The following TLE3 variants were observed in gnomAD, a reference collection of about 807,000 sequenced individuals.
TLE3 encodes TLE family member 3, transcriptional corepressor.
A neutral mutation model predicts 93.0 loss-of-function variants in TLE3; 14 were observed. That is an observed-to-expected ratio of 0.15 (90% CI 0.10 to 0.24). The LOEUF (loss-of-function observed/expected upper bound fraction) is 0.24. Among genes scored for constraint, TLE3 ranks in the 10% least tolerant of loss-of-function variants. TLE3 has a pLI of 1.00. For missense variants in TLE3, 693 were observed against 1,046.6 expected, an observed-to-expected ratio of 0.66 and a Z score of 4.66; for synonymous variants, 451 against 425.0, an observed-to-expected ratio of 1.06 and a Z score of -0.75.
At chr15:70,093,448 T>C (rs1416850276) in intron 4 of TLE3, among the ~76,000 whole-genome samples, 1 of 152,238 alleles carries the variant, frequency 6.6e-6, no homozygotes, top group Non-Finnish European at 1.5e-5. Flanking sequence ...TGAAACCTTG[T>C]AAACGACTGT....
chr15:70,094,733 T>G (rs2058467716), intron 3 of TLE3, 157 bp from the exon 4 acceptor site: 1 of 616,096 alleles, frequency 1.6e-6, no homozygotes, highest in Non-Finnish European at 2.9e-6. Flanking sequence ...TACAGAGCGG[T>G]TTAAGAGCTG....
Position 70,056,283 on chromosome 15 carries a change from A to T in TLE3, c.1328+15T>A, listed in dbSNP as rs1215616460. ...CCACCCTACAAAGCATGCAGTAAGT[A>T]TAGCCAAAGCTTACGGTTTTCCTCC... is the stretch of plus-strand genomic sequence containing the variant. On this transcript the variant is annotated intron_variant, in intron 14 of 19. Coordinates refer to ENST00000451782, the MANE Select transcript of TLE3 (RefSeq NM_001105192.3). The T allele has an allele frequency of 2.5e-6, 4 of 1,613,302 alleles. No individual in the cohort carries two copies. The Admixed American group carries it at 6.7e-5, about 27-fold the overall frequency.
At chr15:70,077,111 C>G (rs1481121512) in intron 4 of TLE3, among the ~76,000 whole-genome samples, 1 of 152,318 alleles carries the variant, frequency 6.6e-6, no homozygotes, top group Middle Eastern at 3.4e-3. Flanking sequence ...AGAAGTCAAT[C>G]TTAGAAAGGT....
chr15:70,074,126 A>G (rs2057321085), intron 6 of TLE3, among the ~76,000 whole-genome samples: 1 of 152,262 alleles, frequency 6.6e-6, no homozygotes, highest in Non-Finnish European at 1.5e-5. Flanking sequence ...CCAGGTGGCC[A>G]AAGAAGGGCA....
At chr15:70,059,292 G>C in intron 10 of TLE3, 118 bp downstream of exon 10, 1 of 1,235,716 alleles carries the variant, frequency 8.1e-7, no homozygotes, top group Non-Finnish European at 1.1e-6. Context: ...TGGAGGCCTT[G>C]TCTCCCTGCT....
intron 7 of TLE3, 140 bp downstream of exon 7, chr15:70,065,874 G>T: frequency 2.2e-6 from 2 of 905,212 alleles, no homozygotes; most frequent in Non-Finnish European, 1.7e-6. Flanking sequence ...CCCTGCACCA[G>T]GTATCAACAG....
chr15:70,057,315 G>A, intron 13 of TLE3, 144 bp downstream of exon 13: 1 of 993,456 alleles, frequency 1.0e-6, no homozygotes, highest in Non-Finnish European at 1.5e-6. Context: ...AGTCTCAATT[G>A]TTTCCGATAC....
intron 7 of TLE3, 41 bp downstream of exon 7, chr15:70,065,973 A>ACCCCAGCCCCCCCCCAC: frequency 2.5e-5 from 20 of 806,230 alleles, no homozygotes; most frequent in East Asian, 5.4e-5. Flanking sequence ...GCCCATGCCC[A>ACCCCAGCCCCCCCCCAC]CCCCTGCCCC....
intron 7 of TLE3, 30 bp downstream of exon 7, chr15:70,065,984 G>A (rs371708998): frequency 4.8e-4 from 372 of 769,358 alleles, no homozygotes; most frequent in African/African-American, 3.5e-3. Flanking sequence ...CCCCTGCCCC[G>A]CCCCACCCTC....
Position 70,051,604 on chromosome 15 carries a change from A to T in TLE3, c.2126-137T>A. On this transcript the variant is annotated intron_variant, in intron 18 of 19. Coordinates refer to ENST00000451782, the MANE Select transcript of TLE3 (RefSeq NM_001105192.3). ...GTATAACTCTCCAATTTCGAGAGGC[A>T]TTTTGCAAATGGGACATGCGGACAC... 3 of 327,152 alleles carry T rather than the reference A, an allele frequency of 9.2e-6. No individual in the cohort carries two copies. The South Asian group carries it at 1.1e-4, about 12-fold the overall frequency. The allele number at this position is 327,152 out of a possible 1,614,324, so 20.3% of individuals were successfully genotyped here.
intron 14 of TLE3, 108 bp downstream of exon 14, chr15:70,056,190 C>G (rs1303300362): frequency 8.0e-7 from 1 of 1,256,616 alleles, no homozygotes; most frequent in African/African-American, 1.5e-5. Flanking sequence ...GGGAGGTGCA[C>G]CAGGGCAAAC....
At position 70,096,300 on chromosome 15, in the gene TLE3, G is replaced by A. The variant is rs368547587; in HGVS notation, c.25-39C>T. 9.3e-4 allele frequency: 1,441 copies of A among 1,549,178 alleles called. 3 individuals are homozygous for A. The highest frequency in any genetic ancestry group is 2.6e-3 in the Middle Eastern group (15 of 5,702). ...AGACAAGACAGGGGAGGGGGCGGGG[G>A]CATGAGACCGCGCTCAGAGCGGCCC... On this transcript the variant is annotated intron_variant, in intron 1 of 19. Transcript: ENST00000451782.
At chr15:70,079,649 T>C (rs2057659979) in intron 4 of TLE3, among the ~76,000 whole-genome samples, 1 of 151,782 alleles carries the variant, frequency 6.6e-6, no homozygotes, top group South Asian at 2.1e-4. Flanking sequence ...ACAGGAAAGC[T>C]GTTCGCTCAA....
chr15:70,095,479 C>G (rs1027817554), intron 3 of TLE3, 99 bp downstream of exon 3: 1 of 1,545,682 alleles, frequency 6.5e-7, no homozygotes, highest in Non-Finnish European at 8.7e-7. Flanking sequence ...TGCGGCTGGG[C>G]GGTGGTGGGG....
chr15:70,073,021 C>A (rs916958270), intron 6 of TLE3, among the ~76,000 whole-genome samples: 1 of 152,200 alleles, frequency 6.6e-6, no homozygotes, highest in African/African-American at 2.4e-5. Flanking sequence ...CAGGCCAATG[C>A]TTGCATCCCC....
At chr15:70,052,351 G>C (rs760742766) in intron 18 of TLE3, 23 bp downstream of exon 18, 1 of 1,610,888 alleles carries the variant, frequency 6.2e-7, no homozygotes, top group Non-Finnish European at 8.5e-7. Flanking sequence ...ACTCCATCAG[G>C]CCTGGGCCCA....
At chr15:70,086,598 G>T (rs1475828142) in intron 4 of TLE3, among the ~76,000 whole-genome samples, 1 of 152,176 alleles carries the variant, frequency 6.6e-6, no homozygotes, top group Non-Finnish European at 1.5e-5. Flanking sequence ...TGAGGAAAGG[G>T]TCAGCCTTCC....
At position 70,049,514 on chromosome 15, in the gene TLE3, T is replaced by TTA. The variant is rs780088210; in HGVS notation, c.*582_*583insTA. 14 of 122,184 alleles carry TTA rather than the reference T, an allele frequency of 1.1e-4. No homozygotes were observed. The highest frequency in any genetic ancestry group is 4.6e-4 in the African/African-American group (14 of 30,482). 7.6% of individuals were successfully genotyped at this position (122,184 alleles called of 1,614,324 possible). A position where few individuals can be genotyped will look rare whatever the true frequency, so the allele number is the denominator to read the frequency against. ...TCCCAGGTGAGAGCATCTGTTTATT[T>TTA]AAAAAAAAAAAAAAAAAAAAGCCAC... On this transcript the variant is annotated 3_prime_UTR_variant, in exon 20 of 20. Coordinates refer to ENST00000451782, the MANE Select transcript of TLE3 (RefSeq NM_001105192.3).
rs543773211 is a variant in TLE3 at position 70,080,137 on chromosome 15, G to C, written c.235-3979C>G. On this transcript the variant is annotated intron_variant, in intron 4 of 19. Transcript: ENST00000451782. ...ACAAATCACAAACTGGAACTCGATC[G>C]TATGTTGGAAAACTCCTTTTGGCAA... Among the ~76,000 whole-genome samples the C allele has an allele frequency of 1.1e-4, 17 of 151,840 alleles. No individual in the cohort carries two copies. The East Asian group carries it at 3.1e-3, about 28-fold the overall frequency.
Sources: gnomAD v4.1 joint callset for allele counts (sites outside exome capture counted in the v4.1 genomes callset) on GRCh38, gnomAD v4.1.1 for gene constraint, MANE v1.5 for transcripts, NCBI Gene and HGNC (gene_info 2026-07-23, HGNC 2026-07-21) for gene names.